The following ESX1 variants were observed in gnomAD, a reference collection of about 807,000 sequenced individuals.
ESX1 encodes homeobox protein ESX1.
A neutral mutation model predicts 13.2 loss-of-function variants in ESX1; 2 were observed. The ratio of observed to expected loss-of-function variants is 0.15; its 90% CI spans 0.06 to 0.48. ESX1 has a LOEUF of 0.48. ESX1 is among the 20% of genes least tolerant of loss of function. ESX1 has a pLI of 0.97. For synonymous variants in ESX1, 157 were observed against 163.1 expected, an observed-to-expected ratio of 0.96 and a Z score of 0.29; for missense variants, 307 against 379.0, an observed-to-expected ratio of 0.81 and a Z score of 1.58.
Position 104,254,859 on chromosome X carries a change from G to A in ESX1, c.-10C>T, listed in dbSNP as rs369664343. ...CGCGAAGAGACTCCATGCTTCAAGC[G>A]CTGTCGATAAAGCTGTGCACTTCTG... On this transcript the variant is annotated 5_prime_UTR_variant, in exon 1 of 4. Transcript: ENST00000372588. 3.5e-5 allele frequency: 42 copies of A among 1,191,802 alleles called. No homozygotes were observed. The highest frequency in any genetic ancestry group is 4.6e-5 in the Non-Finnish European group (40 of 878,666).
chrX:104,254,196 T>C lies in ESX1; in HGVS notation c.464A>G (p.Glu155Gly). The change falls in exon 2 of 4, where the codon GAG (glutamate) becomes GGG (glycine). Residue 155 changes from glutamate (E) to glycine (G), a missense_variant. Physicochemically the swap from Glu to Gly is moderately conservative, Grantham distance 98. Around this residue, in one of 3 missense-constraint regions of ESX1, gnomAD observed 108 missense variants for 147.5 expected, o/e 0.73. Coordinates refer to ENST00000372588, the MANE Select transcript of ESX1 (RefSeq NM_153448.4). ...AFTQFQLQEL[E>G]NFFDESQYPD... ...ATATTGAGATTCATCGAAAAAGTTCTCTAGCTCCTGCAGCTGAAACTGCGT... is the reference window on the plus strand; with the variant it reads ...ATATTGAGATTCATCGAAAAAGTTCCCTAGCTCCTGCAGCTGAAACTGCGT... 8.3e-7 allele frequency: 1 copy of C among 1,210,744 alleles called. No individual in the cohort carries two copies. Among genetic ancestry groups the C allele is most frequent in the Non-Finnish European group, 1.1e-6 (1 of 894,756 alleles).
intron 2 of ESX1, among the ~76,000 whole-genome samples, chrX:104,253,597 G>A (rs1488053044): frequency 1.8e-5 from 2 of 111,205 alleles, no homozygotes; most frequent in African/African-American, 6.5e-5. Flanking sequence ...AAGCCAGAAA[G>A]GTCCCCTTAA....
intron 2 of ESX1, 71 bp from the exon 3 acceptor site, chrX:104,252,899 C>T (rs782293094): frequency 1.9e-4 from 192 of 1,003,300 alleles, no homozygotes; most frequent in Middle Eastern, 2.6e-4. Context: ...GAACGTGGCT[C>T]GGCTCAGCAC....
chrX:104,252,001 C>CT (rs1295078420), intron 3 of ESX1, among the ~76,000 whole-genome samples: 2 of 111,961 alleles, frequency 1.8e-5, no homozygotes, highest in Admixed American at 9.5e-5. Context: ...ATTCTTCTTT[C>CT]TTTTTTTGTT....
rs782213430 is a variant in ESX1, at chrX:104,250,573, C to T, written c.876G>A (p.Ala292=). 46 of 1,169,544 alleles carry T rather than the reference C, an allele frequency of 3.9e-5. No homozygotes were observed. The highest frequency in any genetic ancestry group is 1.5e-4 in the East Asian group (5 of 32,989). Residue 292 remains alanine (A), a synonymous_variant, in exon 4 of 4, where the codon GCG becomes GCA. Transcript: ENST00000372588. The part of the protein sequence containing the change: ...MAPVPPGPRM[A]PVPPWPPMAP... ...CCATGGGCGGCCAGGGTGGCACAGG[C>T]GCCATGCGTGGCCCGGGTGGCACAG... is the stretch of plus-strand genomic sequence containing the variant.
rs188475442 is a variant in ESX1, at chrX:104,250,098, G to T, written c.*130C>A. 2.9e-3 allele frequency: 2,168 copies of T among 747,874 alleles called. 6 individuals are homozygous for T. Among genetic ancestry groups the T allele is most frequent in the Non-Finnish European group, 3.6e-3 (1,953 of 544,950 alleles). The allele number at this position is 747,874 out of a possible 1,213,427, so 61.6% of individuals were successfully genotyped here. A position where few individuals can be genotyped will look rare whatever the true frequency, so the allele number is the denominator to read the frequency against. Reference sequence around the variant, plus strand: ...ATTATGTGGCCTACAAAAATAACAGGGCATTCGTTAACTTTGTTCACCTAC... The same window carrying T: ...ATTATGTGGCCTACAAAAATAACAGTGCATTCGTTAACTTTGTTCACCTAC... On this transcript the variant is annotated 3_prime_UTR_variant, in exon 4 of 4. Coordinates refer to ENST00000372588, the MANE Select transcript of ESX1 (RefSeq NM_153448.4).
rs782355779 is a variant in ESX1 at position 104,254,313 on chromosome X, G to C, written c.347C>G (p.Thr116Arg). The change falls in exon 2 of 4, where the codon ACG becomes AGG. Residue 116 changes from threonine (T) to arginine (R), a missense_variant. This residue lies in a region of ESX1 where 152 missense variants were observed against 114.5 expected (regional missense o/e 1.33). Coordinates refer to ENST00000372588, the MANE Select transcript of ESX1 (RefSeq NM_153448.4). ...CGCCGGCTGTGGCCCCTCCACGGTCGTCTGGGGCGGCTCCTCCTGCTCTTG... is the reference window on the plus strand; with the variant it reads ...CGCCGGCTGTGGCCCCTCCACGGTCCTCTGGGGCGGCTCCTCCTGCTCTTG... ...LKQEQEEPPQ[T>R]TVEGPQPAEG... is the part of the protein sequence containing the mutation. 1 of 1,210,127 alleles carries C rather than the reference G, an allele frequency of 8.3e-7. No individual in the cohort carries two copies. The highest frequency in any genetic ancestry group is 1.7e-5 in the African/African-American group (1 of 57,341).
Position 104,250,582 on chromosome X carries a change from T to C in ESX1, c.867A>G (p.Pro289=), listed in dbSNP as rs782815788. The change falls in exon 4 of 4, where the codon CCA becomes CCG. Residue 289 remains proline, a synonymous_variant. Transcript: ENST00000372588. ...GSRMAPVPPG[P]RMAPVPPWPP... ...GCCAGGGTGGCACAGGCGCCATGCG[T>C]GGCCCGGGTGGCACAGGCGCCATGC... is the stretch of plus-strand genomic sequence containing the variant. 70 of 1,166,564 alleles carry C rather than the reference T, an allele frequency of 6.0e-5. No individual in the cohort carries two copies. In the East Asian group the frequency reaches 1.2e-3, roughly 19 times the overall value.
At position 104,250,761 on chromosome X, in the gene ESX1, C is replaced by G; in HGVS notation, c.688G>C (p.Asp230His). The change falls in exon 4 of 4, where the codon GAT becomes CAT. Residue 230 changes from aspartate to histidine, a missense_variant. Asp to His is a moderately conservative substitution (Grantham distance 81). Transcript: ENST00000372588. ...ACCAGATGAACACACAAAGCAGGAT[C>G]CAGAGCAGGAGCAGCATAATAGGCC... ...GGAYYAAPAL[D>H]PALCVHLVPQ... The G allele has an allele frequency of 8.3e-7, 1 of 1,211,534 alleles. No homozygotes were observed.
Position 104,250,550 on chromosome X carries a change from A to T in ESX1, c.899T>A (p.Met300Lys). ...GGGCGGCCAGGGTGGCACAGGCGCC[A>T]TGGGCGGCCAGGGTGGCACAGGCGC... ...RMAPVPPWPP[M>K]APVPPWPPMA... The change falls in exon 4 of 4, where the codon ATG becomes AAG. Residue 300 changes from methionine to lysine, a missense_variant. Transcript: ENST00000372588. The T allele has an allele frequency of 2.3e-5, 26 of 1,141,377 alleles. No homozygotes were observed. The highest frequency in any genetic ancestry group is 3.0e-5 in the Non-Finnish European group (26 of 861,281). The allele number at this position is 1,141,377 out of a possible 1,213,427, so 94.1% of individuals were successfully genotyped here.
Position 104,250,193 on chromosome X carries a change from A to G in ESX1, c.*35T>C, listed in dbSNP as rs1923120106. 2 of 1,193,941 alleles carry G rather than the reference A, an allele frequency of 1.7e-6. No homozygotes were observed. The highest frequency in any genetic ancestry group is 3.6e-5 in the South Asian group (2 of 54,836). On this transcript the variant is annotated 3_prime_UTR_variant, in exon 4 of 4. Coordinates refer to ENST00000372588, the MANE Select transcript of ESX1 (RefSeq NM_153448.4). ...TGTGCACAATTTCTATCTGGCAGGA[A>G]AGAACTTTGGAAAAACTGTTATGAA...
At position 104,250,176 on chromosome X, in the gene ESX1, A is replaced by T; in HGVS notation, c.*52T>A. 1 of 1,184,186 alleles carries T rather than the reference A, an allele frequency of 8.4e-7. No homozygotes were observed. Among genetic ancestry groups the T allele is most frequent in the Middle Eastern group, 2.8e-4 (1 of 3,594 alleles). ...ATTACTTGATGCTGTGCTGTGCACA[A>T]TTTCTATCTGGCAGGAAAGAACTTT... On this transcript the variant is annotated 3_prime_UTR_variant, in exon 4 of 4. Transcript: ENST00000372588.
chrX:104,253,258 A>T (rs180842216), intron 2 of ESX1, among the ~76,000 whole-genome samples: 107 of 109,883 alleles, frequency 9.7e-4, no homozygotes, highest in African/African-American at 3.4e-3. Flanking sequence ...TTTCCCATTA[A>T]CAACTTCGCT....
Position 104,250,150 on chromosome X carries a change from A to T in ESX1, c.*78T>A. 1 of 1,106,268 alleles carries T rather than the reference A, an allele frequency of 9.0e-7. No homozygotes were observed. Among genetic ancestry groups the T allele is most frequent in the Non-Finnish European group, 1.2e-6 (1 of 828,222 alleles). 91.2% of individuals were successfully genotyped at this position (1,106,268 alleles called of 1,213,427 possible). ...CACTTCATTTAACAAGCATCTAACG[A>T]ATTACTTGATGCTGTGCTGTGCACA... On this transcript the variant is annotated 3_prime_UTR_variant, in exon 4 of 4. Coordinates refer to ENST00000372588, the MANE Select transcript of ESX1 (RefSeq NM_153448.4).
At position 104,254,378 on chromosome X, in the gene ESX1, C is replaced by T. The variant is rs782392843; in HGVS notation, c.282G>A (p.Pro94=). 2 of 1,209,626 alleles carry T rather than the reference C, an allele frequency of 1.7e-6. No individual in the cohort carries two copies. Among genetic ancestry groups the T allele is most frequent in the African/African-American group, 1.8e-5 (1 of 57,142 alleles). The change falls in exon 2 of 4, where the codon CCG becomes CCA. Residue 94 remains proline (P), a synonymous_variant. Transcript: ENST00000372588. ...QQQEEPPLTK[P]EQQQEEPPLL... ...GGGGCGGCTCCTCCTGCTGTTGCTCCGGCTTGGTCAGGGGCGGCTCCTCCT... is the reference window on the plus strand; with the variant it reads ...GGGGCGGCTCCTCCTGCTGTTGCTCTGGCTTGGTCAGGGGCGGCTCCTCCT...
chrX:104,254,721 C>T (rs782458988), intron 1 of ESX1, 47 bp downstream of exon 1: 1 of 1,165,171 alleles, frequency 8.6e-7, no homozygotes, highest in East Asian at 3.0e-5. Context: ...GGGAAAAATT[C>T]CTCTTTTGGA....
chrX:104,254,835 G>T lies in ESX1; in HGVS notation c.15C>A (p.Arg5=). The change falls in exon 1 of 4, where the codon CGC becomes CGA. Residue 5 remains arginine (R), a synonymous_variant. Coordinates refer to ENST00000372588, the MANE Select transcript of ESX1 (RefSeq NM_153448.4). MESL[R]GYTHSDIGYR... is the part of the protein sequence containing the mutation. ...AGCCAATATCACTGTGGGTGTACCC[G>T]CGAAGAGACTCCATGCTTCAAGCGC... is the stretch of plus-strand genomic sequence containing the variant. 1 of 1,207,492 alleles carries T rather than the reference G, an allele frequency of 8.3e-7. No individual in the cohort carries two copies. Among genetic ancestry groups the T allele is most frequent in the Non-Finnish European group, 1.1e-6 (1 of 891,608 alleles).
rs1195374196 is a variant in ESX1 at position 104,250,494 on chromosome X, C to T, written c.955G>A (p.Ala319Thr). 8 of 992,112 alleles carry T rather than the reference C, an allele frequency of 8.1e-6. 1 individual carries two copies. The highest frequency in any genetic ancestry group is 2.1e-5 in the African/African-American group (1 of 47,739). The allele number at this position is 992,112 out of a possible 1,213,427, so 81.8% of individuals were successfully genotyped here. ...MAPVPTGPPM[A>T]PVPPGPPMAR... ...ATGGGCGGCCCGGGTGGCACAGGCGCCATGGGCGGCCCGGTTGGCACAGGC... is the reference window on the plus strand; with the variant it reads ...ATGGGCGGCCCGGGTGGCACAGGCGTCATGGGCGGCCCGGTTGGCACAGGC... The change falls in exon 4 of 4, where the codon GCG (alanine) becomes ACG (threonine). Residue 319 changes from alanine to threonine, a missense_variant. Ala to Thr is a moderately conservative substitution (Grantham distance 58). This residue lies in a region of ESX1 where 47 missense variants were observed against 117.0 expected (regional missense o/e 0.40). Coordinates refer to ENST00000372588, the MANE Select transcript of ESX1 (RefSeq NM_153448.4).
chrX:104,251,066 C>G (rs1010446), intron 3 of ESX1, among the ~76,000 whole-genome samples, 170 bp from the exon 4 acceptor site: 3 of 110,299 alleles, frequency 2.7e-5, no homozygotes, highest in Non-Finnish European at 5.7e-5. Context: ...CTCAGATGTG[C>G]TAGTGGTCAC....
Sources: allele counts gnomAD v4.1 joint callset (sites outside exome capture counted in the v4.1 genomes callset), GRCh38; gene constraint gnomAD v4.1.1; regional missense constraint gnomAD v4.1.1; transcripts MANE v1.5; gene names NCBI Gene and HGNC (gene_info 2026-07-23, HGNC 2026-07-21).